The following PRRX2 variants were observed in gnomAD, a reference collection of about 807,000 sequenced individuals.
PRRX2 encodes paired mesoderm homeobox protein 2.
In PRRX2, 11 loss-of-function variants were observed where a neutral mutation model predicts 18.0. That is an observed-to-expected ratio of 0.61 (90% CI 0.39 to 1.01). The LOEUF (loss-of-function observed/expected upper bound fraction) is 1.01, where lower values mean the gene tolerates loss of function less well. Among genes scored for constraint, PRRX2 ranks in the 50% least tolerant of loss-of-function variants. PRRX2 has a pLI of 0.01. For missense variants in PRRX2, 387 were observed against 351.0 expected, an observed-to-expected ratio of 1.10 and a Z score of -0.82; for synonymous variants, 177 against 154.8, an observed-to-expected ratio of 1.14 and a Z score of -1.06.
chr9:129,720,028 G>A (rs771874708), intron 2 of PRRX2, among the ~76,000 whole-genome samples: 27 of 152,012 alleles, frequency 1.8e-4, no homozygotes, highest in Non-Finnish European at 3.4e-4. Context: ...ATAAATTTTC[G>A]TAAAGCGCTT....
intron 1 of PRRX2, among the ~76,000 whole-genome samples, chr9:129,696,603 T>TA (rs750178143): frequency 4.4e-4 from 67 of 152,294 alleles, no homozygotes; most frequent in Non-Finnish European, 6.8e-4. Context: ...TAATAATTTT[T>TA]AAAAAATACA....
intron 1 of PRRX2, among the ~76,000 whole-genome samples, chr9:129,707,003 C>T (rs1172113475): frequency 6.6e-6 from 1 of 152,158 alleles, no homozygotes; most frequent in East Asian, 1.9e-4. Context: ...CGCCTATAAT[C>T]CCAGCACTTT....
chr9:129,672,708 T>C (rs1355704673), intron 1 of PRRX2, among the ~76,000 whole-genome samples: 2 of 152,060 alleles, frequency 1.3e-5, no homozygotes, highest in Admixed American at 1.3e-4. Flanking sequence ...CTGGGGTGTT[T>C]GACATGGGAG....
intron 1 of PRRX2, among the ~76,000 whole-genome samples, chr9:129,680,247 C>G (rs1356223196): frequency 6.6e-6 from 1 of 151,578 alleles, no homozygotes; most frequent in Admixed American, 6.6e-5. Context: ...ACTAAAAATA[C>G]GAAGTTAGCT....
At position 129,709,116 on chromosome 9, in the gene PRRX2, C is replaced by T. The variant is rs1202722952; in HGVS notation, c.260-10115C>T. 6.6e-6 allele frequency among the ~76,000 whole-genome samples: 1 copy of T among 151,990 alleles called. No individual in the cohort carries two copies. Among genetic ancestry groups the T allele is most frequent in the Non-Finnish European group, 1.5e-5 (1 of 67,986 alleles). On this transcript the variant is annotated intron_variant, in intron 1 of 3. Coordinates refer to ENST00000372469, the MANE Select transcript of PRRX2 (RefSeq NM_016307.4). The surrounding 1 kb of genome is among the most constrained non-coding windows in gnomAD (Gnocchi z 4.2). The stretch of plus-strand genomic sequence containing the variant: ...AAATCCAGGGCTGGGTCAGCTTTAG[C>T]CAGTGCGGTGGGGATGGGGGAAGGG...
At chr9:129,696,730 C>T (rs1292863117) in intron 1 of PRRX2, among the ~76,000 whole-genome samples, 2 of 152,182 alleles carry the variant, frequency 1.3e-5, no homozygotes, top group African/African-American at 2.4e-5. Flanking sequence ...GCAGAGTCCC[C>T]ACAAAGCTTC....
At chr9:129,689,299 C>A (rs1422358437) in intron 1 of PRRX2, among the ~76,000 whole-genome samples, 3 of 152,194 alleles carry the variant, frequency 2.0e-5, no homozygotes, top group Non-Finnish European at 4.4e-5. Context: ...AGGGCTTCCT[C>A]GTTTGGAAAA....
chr9:129,694,760 C>CTG (rs150079958), intron 1 of PRRX2, among the ~76,000 whole-genome samples: 116 of 152,026 alleles, frequency 7.6e-4, no homozygotes, highest in Admixed American at 1.8e-3. Flanking sequence ...CCTCCAAGCT[C>CTG]TGTGTGTGTG....
intron 1 of PRRX2, among the ~76,000 whole-genome samples, chr9:129,687,764 C>T (rs1316878538): frequency 1.3e-5 from 2 of 152,224 alleles, no homozygotes; most frequent in Non-Finnish European, 2.9e-5. Context: ...GAGACAAGGG[C>T]AGGCAGACAG....
intron 1 of PRRX2, among the ~76,000 whole-genome samples, chr9:129,707,974 C>T (rs1832577242): frequency 6.6e-6 from 1 of 152,138 alleles, no homozygotes; most frequent in African/African-American, 2.4e-5. Context: ...CTTGCATTCC[C>T]ACCAGCAGTG....
At chr9:129,685,926 G>A (rs1832295262) in intron 1 of PRRX2, among the ~76,000 whole-genome samples, 1 of 152,190 alleles carries the variant, frequency 6.6e-6, no homozygotes, top group South Asian at 2.1e-4. Context: ...GGGAGACGTG[G>A]CCAGACCCCC....
intron 1 of PRRX2, among the ~76,000 whole-genome samples, chr9:129,672,475 C>G (rs1224839493): frequency 1.3e-5 from 2 of 152,222 alleles, no homozygotes; most frequent in Non-Finnish European, 2.9e-5. Context: ...TGTTCCAAAA[C>G]CCCTGATCTC....
At chr9:129,678,229 G>A (rs2119058636) in intron 1 of PRRX2, among the ~76,000 whole-genome samples, 1 of 152,274 alleles carries the variant, frequency 6.6e-6, no homozygotes, top group East Asian at 1.9e-4. Context: ...CTCCCAAAGT[G>A]CTGGGGTTAC....
chr9:129,691,928 G>GGTAT (rs1832365550), intron 1 of PRRX2, among the ~76,000 whole-genome samples: 1 of 127,912 alleles, frequency 7.8e-6, no homozygotes, highest in African/African-American at 3.7e-5. Flanking sequence ...TGGCCTAGAC[G>GGTAT]GTACTTATTT....
chr9:129,684,427 A>AGCACACAC (rs1440354447), intron 1 of PRRX2, among the ~76,000 whole-genome samples: 1 of 82,928 alleles, frequency 1.2e-5, no homozygotes, highest in Non-Finnish European at 2.5e-5. Flanking sequence ...ACACAGATAC[A>AGCACACAC]ACACACACAC....
chr9:129,714,640 G>A (rs768537727), intron 1 of PRRX2, among the ~76,000 whole-genome samples: 39 of 152,132 alleles, frequency 2.6e-4, no homozygotes, highest in Non-Finnish European at 4.7e-4. Context: ...TGGGGTGGGG[G>A]TAAATGCCTC....
At chr9:129,670,840 G>A (rs1243677756) in intron 1 of PRRX2, among the ~76,000 whole-genome samples, 3 of 152,194 alleles carry the variant, frequency 2.0e-5, no homozygotes, top group African/African-American at 7.2e-5. Context: ...GCCTTTGAAA[G>A]GCAGCTTGCG....
chr9:129,668,189 C>A (rs540769241), intron 1 of PRRX2, among the ~76,000 whole-genome samples: 22 of 152,344 alleles, frequency 1.4e-4, no homozygotes, highest in Non-Finnish European at 3.1e-4. Context: ...TCCAACTCAT[C>A]CATCTGGGTC....
Position 129,709,870 on chromosome 9 carries a change from G to T in PRRX2, c.260-9361G>T, listed in dbSNP as rs1226666299. ...CTGCACAGGAGGGCGGGCTCTGCAG[G>T]CTCACCCGGCCCTTCCCATGCCTCC... On this transcript the variant is annotated intron_variant, in intron 1 of 3. Transcript: ENST00000372469. This position sits in a 1 kb window ranked among gnomAD's most constrained non-coding sequence, Gnocchi z 4.2. Among the ~76,000 whole-genome samples, 1 of 152,050 alleles carries T rather than the reference G, an allele frequency of 6.6e-6. No homozygotes were observed. The highest frequency in any genetic ancestry group is 1.5e-5 in the Non-Finnish European group (1 of 68,004).
Sources: gnomAD v4.1 joint callset for allele counts (sites outside exome capture counted in the v4.1 genomes callset) on GRCh38, gnomAD v4.1.1 for gene constraint, Gnocchi (gnomAD v3.1) non-coding constraint, MANE v1.5 for transcripts, NCBI Gene and HGNC (gene_info 2026-07-23, HGNC 2026-07-21) for gene names.